Variants in PRKX observed in about 807,000 individuals in gnomAD.
PRKX encodes the protein protein kinase cAMP-dependent X-linked catalytic subunit, also known as cAMP-dependent protein kinase catalytic subunit PRKX.
PRKX carries 12 observed loss-of-function variants against 22.0 expected under a neutral mutation model. That is an observed-to-expected ratio of 0.54 (90% CI 0.35 to 0.88). PRKX has a LOEUF of 0.88. Among genes scored for constraint, PRKX ranks in the 40% least tolerant of loss-of-function variants. PRKX has a pLI of 0.01. For missense variants in PRKX, 217 were observed against 308.0 expected (o/e 0.70, Z 2.21); for synonymous variants, 134 against 137.7 (o/e 0.97, Z 0.19).
At chrX:3,672,841 G>A (rs984920522) in intron 2 of PRKX, among the ~76,000 whole-genome samples, 2 of 111,222 alleles carry the variant, frequency 1.8e-5, no homozygotes, top group African/African-American at 6.5e-5. Flanking sequence ...AACACAGCAA[G>A]ACTTCATCCT....
chrX:3,707,186 T>C (rs1928702846), intron 1 of PRKX, among the ~76,000 whole-genome samples: 1 of 111,601 alleles, frequency 9.0e-6, no homozygotes, highest in African/African-American at 3.3e-5. Flanking sequence ...CTTCTGCCCA[T>C]AGAGAAACTA....
At chrX:3,616,975 T>C (rs1196552372) in intron 6 of PRKX, among the ~76,000 whole-genome samples, 1 of 111,206 alleles carries the variant, frequency 9.0e-6, no homozygotes, top group African/African-American at 3.3e-5. Context: ...CATGCATACA[T>C]AGTAATATAT....
In PRKX at chrX:3,674,584, A is replaced by T; in HGVS notation, c.335+14T>A. On this transcript the variant is annotated intron_variant, in intron 2 of 8. Coordinates refer to ENST00000262848, the MANE Select transcript of PRKX (RefSeq NM_005044.5). ...GGGAGAGTGCGTGGGGAGAGGCTTCAGGAGGGGACTCACAGCCTGATGAGG... is the reference window on the plus strand; with the variant it reads ...GGGAGAGTGCGTGGGGAGAGGCTTCTGGAGGGGACTCACAGCCTGATGAGG... 1 of 1,209,879 alleles carries T rather than the reference A, an allele frequency of 8.3e-7. No homozygotes were observed. Among genetic ancestry groups the T allele is most frequent in the Non-Finnish European group, 1.1e-6 (1 of 893,896 alleles).
intron 2 of PRKX, chrX:3,667,615 C>T (rs1336288141): frequency 9.0e-6 from 1 of 110,701 alleles, no homozygotes; most frequent in Non-Finnish European, 1.9e-5. Context: ...TTGGAATGCA[C>T]TCTCTCTCCC....
At chrX:3,677,229 A>G (rs1318289327) in intron 1 of PRKX, among the ~76,000 whole-genome samples, 1 of 111,439 alleles carries the variant, frequency 9.0e-6, no homozygotes, top group African/African-American at 3.3e-5. Context: ...TACTGAACTG[A>G]TAAATGAAAT....
intron 4 of PRKX, among the ~76,000 whole-genome samples, chrX:3,630,551 C>G (rs766431894): frequency 1.4e-3 from 151 of 111,839 alleles, no homozygotes; most frequent in Non-Finnish European, 2.0e-3. Flanking sequence ...CAGAGCAAGA[C>G]TCTGTCTCAA....
At chrX:3,693,796 C>T (rs746909322) in intron 1 of PRKX, among the ~76,000 whole-genome samples, 5 of 108,338 alleles carry the variant, frequency 4.6e-5, no homozygotes, top group South Asian at 8.3e-4. Context: ...AAAAATTAGC[C>T]GGGTGTGGTG....
intron 4 of PRKX, among the ~76,000 whole-genome samples, chrX:3,629,153 G>A (rs1926717358): frequency 8.9e-6 from 1 of 112,341 alleles, no homozygotes; most frequent in Admixed American, 9.5e-5. Flanking sequence ...TACAGCACGA[G>A]CAATACCTGA....
intron 5 of PRKX, among the ~76,000 whole-genome samples, chrX:3,625,626 T>C (rs1926645233): frequency 9.0e-6 from 1 of 111,088 alleles, no homozygotes; most frequent in Admixed American, 9.6e-5. Flanking sequence ...GGCTGGAATG[T>C]AGTGGTGCGA....
intron 3 of PRKX, among the ~76,000 whole-genome samples, chrX:3,653,450 T>G (rs1927380035): frequency 9.2e-6 from 1 of 108,515 alleles, no homozygotes; most frequent in East Asian, 2.9e-4. Context: ...TGAGACGACA[T>G]GTAATGGTTT....
chrX:3,620,116 C>T (rs1926523947), intron 6 of PRKX, among the ~76,000 whole-genome samples: 1 of 111,728 alleles, frequency 9.0e-6, no homozygotes, highest in Non-Finnish European at 1.9e-5. Context: ...ATCACCTGCG[C>T]ACACAAAACA....
chrX:3,693,754 G>A (rs1007865013), intron 1 of PRKX, among the ~76,000 whole-genome samples: 2 of 108,545 alleles, frequency 1.8e-5, no homozygotes, highest in Non-Finnish European at 3.8e-5. Context: ...TGGCTAACGA[G>A]GTGAAACCGC....
chrX:3,702,110 A>C (rs1326273291), intron 1 of PRKX, among the ~76,000 whole-genome samples: 1 of 111,758 alleles, frequency 8.9e-6, no homozygotes, highest in African/African-American at 3.3e-5. Context: ...GTGTCTGGAT[A>C]TGGACCCCTT....
In PRKX at chrX:3,621,323, T is replaced by TG; in HGVS notation, c.816-8dup. 1 of 1,195,271 alleles carries TG rather than the reference T, an allele frequency of 8.4e-7. No individual in the cohort carries two copies. Among genetic ancestry groups the TG allele is most frequent in the African/African-American group, 1.8e-5 (1 of 56,396 alleles). On this transcript the variant is annotated splice_polypyrimidine_tract_variant and splice_region_variant and intron_variant, in intron 5 of 8. Transcript: ENST00000262848. ...CAGTTTCTTAATGAGGTCTCTATGT[T>TG]GGGGAAGGAGACAAAAAAAAAAAAA...
At chrX:3,699,545 G>C (rs754945460) in intron 1 of PRKX, among the ~76,000 whole-genome samples, 6 of 110,314 alleles carry the variant, frequency 5.4e-5, no homozygotes, top group Admixed American at 9.7e-5. Flanking sequence ...GTAGAGACGG[G>C]GTTTCACCAT....
intron 1 of PRKX, among the ~76,000 whole-genome samples, chrX:3,704,582 C>T (rs1928645717): frequency 9.0e-6 from 1 of 110,918 alleles, no homozygotes; most frequent in Admixed American, 9.6e-5. Context: ...TGAGAGGATC[C>T]CTTGAGCCTG....
rs1926139467 is a variant in PRKX at position 3,605,103 on chromosome X, G to C, written c.*3866C>G. The C allele has an allele frequency of 9.2e-6, 1 of 109,136 alleles. No individual in the cohort carries two copies. Among genetic ancestry groups the C allele is most frequent in the African/African-American group, 3.4e-5 (1 of 29,849 alleles). 9.0% of individuals were successfully genotyped at this position (109,136 alleles called of 1,213,427 possible). On this transcript the variant is annotated 3_prime_UTR_variant, in exon 9 of 9. Transcript: ENST00000262848. ...CAAATGCATTAAGACACCTGTTCGTGTGCTTTTCTTCTTGCTTTTGTTAAG... is the reference window on the plus strand; with the variant it reads ...CAAATGCATTAAGACACCTGTTCGTCTGCTTTTCTTCTTGCTTTTGTTAAG...
chrX:3,711,275 ATCATCC>A (rs71964034), intron 1 of PRKX, among the ~76,000 whole-genome samples: 29 of 110,451 alleles, frequency 2.6e-4, no homozygotes, highest in African/African-American at 8.9e-4. Context: ...AGAAAGGAGC[ATCATCC>A]TCATCCTCAT....
chrX:3,682,993 G>C (rs942502552), intron 1 of PRKX, among the ~76,000 whole-genome samples: 1 of 103,961 alleles, frequency 9.6e-6, no homozygotes, highest in Non-Finnish European at 2.0e-5. Context: ...ATGTGGAGAC[G>C]GAGGCAGAGA....
Sources: gnomAD v4.1 joint callset for allele counts (sites outside exome capture counted in the v4.1 genomes callset) on GRCh38, gnomAD v4.1.1 for gene constraint, MANE v1.5 for transcripts, NCBI Gene and HGNC (gene_info 2026-07-23, HGNC 2026-07-21) for gene names.